AFG1L: variants seen among roughly 807,000 people sequenced by gnomAD.
AFG1L encodes AFG1-like ATPase.
A neutral mutation model predicts 62.2 loss-of-function variants in AFG1L; 53 were observed. The ratio of observed to expected loss-of-function variants is 0.85; its 90% CI spans 0.68 to 1.07. The LOEUF (loss-of-function observed/expected upper bound fraction) is 1.07, where lower values mean the gene tolerates loss of function less well. Ranked by LOEUF, AFG1L falls within the 50% of genes least tolerant of loss-of-function variation. AFG1L has a pLI of 0.00. For missense variants in AFG1L, 555 were observed against 590.5 expected, an observed-to-expected ratio of 0.94 and a Z score of 0.62; for synonymous variants, 228 against 210.3, an observed-to-expected ratio of 1.08 and a Z score of -0.73.
At position 108,447,292 on chromosome 6, in the gene AFG1L, T is replaced by C. The variant is rs1771851256; in HGVS notation, c.886T>C (p.Tyr296His). Residue 296 changes from tyrosine to histidine, a missense_variant, in exon 8 of 13, where the codon TAC becomes CAC. Coordinates refer to ENST00000368977, the MANE Select transcript of AFG1L (RefSeq NM_145315.5). The stretch of plus-strand genomic sequence containing the variant: ...ACTTCCTGCTGCAGGAAAACTCTAC[T>C]ACCTGTAAGTGTTTCTAATTTTTAA... ...RELPAAGKLYYLTSEADVEAV... is the reference protein window; with the variant it reads ...RELPAAGKLYHLTSEADVEAV... 2 of 1,574,642 alleles carry C rather than the reference T, an allele frequency of 1.3e-6. No individual in the cohort carries two copies. Among genetic ancestry groups the C allele is most frequent in the African/African-American group, 2.7e-5 (2 of 74,138 alleles).
chr6:108,388,891 G>C (rs1368245402), intron 6 of AFG1L, among the ~76,000 whole-genome samples: 1 of 152,120 alleles, frequency 6.6e-6, no homozygotes, highest in Non-Finnish European at 1.5e-5. Flanking sequence ...TGTCTATTAG[G>C]TCTGCTTGGT....
intron 2 of AFG1L, among the ~76,000 whole-genome samples, chr6:108,327,735 C>T (rs572091909): frequency 6.6e-6 from 1 of 152,170 alleles, no homozygotes; most frequent in Non-Finnish European, 1.5e-5. Context: ...TTTTGTTGTT[C>T]CTTTTCTCTC....
intron 7 of AFG1L, among the ~76,000 whole-genome samples, chr6:108,403,567 A>G (rs929329211): frequency 2.0e-5 from 3 of 152,084 alleles, no homozygotes; most frequent in African/African-American, 7.2e-5. Context: ...CTTTATATTC[A>G]TGCTTTGCAT....
chr6:108,510,022 C>G (rs947174635), intron 10 of AFG1L, among the ~76,000 whole-genome samples, 190 bp from the exon 11 acceptor site: 2 of 152,010 alleles, frequency 1.3e-5, no homozygotes, highest in Non-Finnish European at 2.9e-5. Flanking sequence ...ACTACATGCT[C>G]AAGGAAAATC....
intron 8 of AFG1L, among the ~76,000 whole-genome samples, chr6:108,450,964 T>C (rs1191417445): frequency 6.6e-6 from 1 of 151,994 alleles, no homozygotes; most frequent in African/African-American, 2.4e-5. Context: ...GAAAAACTTA[T>C]TAACTTTACC....
At position 108,310,719 on chromosome 6, in the gene AFG1L, C is replaced by T. The variant is rs571741451; in HGVS notation, c.140-13106C>T. The stretch of plus-strand genomic sequence containing the variant: ...CCTCCGGGGTAGCTGGGAGTACAGG[C>T]GTGTGCCACCACACCCGGCTAATTT... On this transcript the variant is annotated intron_variant, in intron 1 of 12. Coordinates refer to ENST00000368977, the MANE Select transcript of AFG1L (RefSeq NM_145315.5). 5.3e-5 allele frequency among the ~76,000 whole-genome samples: 8 copies of T among 151,888 alleles called. No homozygotes were observed. In the South Asian group the frequency reaches 1.0e-3, roughly 20 times the overall value.
chr6:108,430,973 T>G (rs1228861275), intron 7 of AFG1L, among the ~76,000 whole-genome samples: 1 of 152,246 alleles, frequency 6.6e-6, no homozygotes, highest in Non-Finnish European at 1.5e-5. Flanking sequence ...TCTTACTTGC[T>G]CGGCATCCTG....
intron 1 of AFG1L, among the ~76,000 whole-genome samples, chr6:108,311,753 G>T (rs186647286): frequency 1.3e-5 from 2 of 151,936 alleles, no homozygotes; most frequent in Non-Finnish European, 2.9e-5. Flanking sequence ...CACTATAGAC[G>T]CTTTATCATT....
At chr6:108,347,787 C>T (rs1027023621) in intron 3 of AFG1L, among the ~76,000 whole-genome samples, 1 of 152,054 alleles carries the variant, frequency 6.6e-6, no homozygotes, top group African/African-American at 2.4e-5. Context: ...TTTTTGCCTC[C>T]TTGCTTTCAA....
chr6:108,376,894 C>G (rs2114537195), intron 6 of AFG1L, among the ~76,000 whole-genome samples: 1 of 152,128 alleles, frequency 6.6e-6, no homozygotes, highest in South Asian at 2.1e-4. Flanking sequence ...TTTATAGGTA[C>G]TTGTTTTATG....
intron 2 of AFG1L, among the ~76,000 whole-genome samples, chr6:108,326,392 T>G (rs933145047): frequency 5.9e-5 from 9 of 152,110 alleles, no homozygotes; most frequent in Non-Finnish European, 8.8e-5. Flanking sequence ...TTAGCGTGAG[T>G]GGGAGCTTAT....
chr6:108,376,879 G>A (rs935054037), intron 6 of AFG1L, among the ~76,000 whole-genome samples: 2 of 152,050 alleles, frequency 1.3e-5, no homozygotes, highest in African/African-American at 4.8e-5. Flanking sequence ...AAGTCTTTTT[G>A]TAAGTTTATA....
rs1318857004 is a variant in AFG1L at position 108,524,123 on chromosome 6, TA to T, written c.*1706del. Reference sequence around the variant, plus strand: ...CACACTGTCTCTTACTCTTACTATTTAAAAAAAAGAGATTGTTTTAAAAATT... The same window carrying T: ...CACACTGTCTCTTACTCTTACTATTTAAAAAAAGAGATTGTTTTAAAAATT... On this transcript the variant is annotated 3_prime_UTR_variant, in exon 13 of 13. Transcript: ENST00000368977. 2 of 152,064 alleles carry T rather than the reference TA, an allele frequency of 1.3e-5. No homozygotes were observed. Among genetic ancestry groups the T allele is most frequent in the African/African-American group, 2.4e-5 (1 of 41,516 alleles). 9.4% of individuals were successfully genotyped at this position (152,064 alleles called of 1,614,324 possible). A position where few individuals can be genotyped will look rare whatever the true frequency, so the allele number is the denominator to read the frequency against.
At chr6:108,439,165 T>C (rs1771435284) in intron 7 of AFG1L, among the ~76,000 whole-genome samples, 1 of 152,226 alleles carries the variant, frequency 6.6e-6, no homozygotes, top group African/African-American at 2.4e-5. Flanking sequence ...AGAGGACTTC[T>C]CAATTTATCA....
chr6:108,393,674 T>C (rs1396079891), intron 6 of AFG1L, among the ~76,000 whole-genome samples: 2 of 152,194 alleles, frequency 1.3e-5, no homozygotes, highest in Non-Finnish European at 2.9e-5. Context: ...CAGAGCCTTA[T>C]ACATCCATAA....
At chr6:108,409,769 C>T (rs539289558) in intron 7 of AFG1L, among the ~76,000 whole-genome samples, 16 of 151,840 alleles carry the variant, frequency 1.1e-4, no homozygotes, top group Non-Finnish European at 1.6e-4. Context: ...GATACAGAGC[C>T]CAAACTTATG....
intron 7 of AFG1L, among the ~76,000 whole-genome samples, chr6:108,414,229 T>C (rs1235463447): frequency 1.3e-5 from 2 of 152,192 alleles, no homozygotes; most frequent in South Asian, 2.1e-4. Context: ...CAGGAAGAAG[T>C]TGAATCCTTG....
intron 10 of AFG1L, among the ~76,000 whole-genome samples, chr6:108,503,207 T>A (rs1774271985): frequency 6.6e-6 from 1 of 152,242 alleles, no homozygotes; most frequent in African/African-American, 2.4e-5. Context: ...ATGTTCTTCA[T>A]GGTATCTAGA....
chr6:108,434,303 A>G (rs1413245395), intron 7 of AFG1L, among the ~76,000 whole-genome samples: 1 of 152,162 alleles, frequency 6.6e-6, no homozygotes, highest in Non-Finnish European at 1.5e-5. Context: ...TAGGCTGGAC[A>G]TCTGCACCTA....
Sources: gnomAD v4.1 joint callset for allele counts (sites outside exome capture counted in the v4.1 genomes callset) on GRCh38, gnomAD v4.1.1 for gene constraint, MANE v1.5 for transcripts, NCBI Gene and HGNC (gene_info 2026-07-23, HGNC 2026-07-21) for gene names.